The following CELF2 variants were observed in gnomAD, a reference collection of about 807,000 sequenced individuals.
CELF2 encodes CUG triplet repeat RNA-binding protein 2.
In CELF2, 8 loss-of-function variants were observed where a neutral mutation model predicts 62.6. The ratio of observed to expected loss-of-function variants is 0.13; its 90% CI spans 0.07 to 0.23. CELF2 has a LOEUF of 0.23. CELF2 is among the 10% of genes least tolerant of loss of function. CELF2 has a pLI of 1.00. For missense variants in CELF2, 333 were observed against 671.0 expected (o/e 0.50, Z 5.56); for synonymous variants, 258 against 250.0 (o/e 1.03, Z -0.30).
At chr10:11,241,453 G>A (rs896796975) in intron 3 of CELF2, among the ~76,000 whole-genome samples, 2 of 152,200 alleles carry the variant, frequency 1.3e-5, no homozygotes, top group Non-Finnish European at 2.9e-5. Flanking sequence ...ACCCACCTTG[G>A]CCTCCCAAAG....
chr10:10,669,759 T>A, the CELF2 span, among the ~76,000 whole-genome samples: 1 of 152,206 alleles, frequency 6.6e-6, no homozygotes, highest in Non-Finnish European at 1.5e-5. Flanking sequence ...TTCGTTTATA[T>A]TCACAAGATA....
chr10:10,804,536 A>G (rs1453567172), intron 1 of CELF2, among the ~76,000 whole-genome samples: 1 of 152,264 alleles, frequency 6.6e-6, no homozygotes, highest in Non-Finnish European at 1.5e-5. Flanking sequence ...GTGATATTTC[A>G]AAGGTCAGAG....
chr10:10,976,422 CTG>C (rs892178815), intron 2 of CELF2, among the ~76,000 whole-genome samples: 3 of 152,148 alleles, frequency 2.0e-5, no homozygotes, highest in African/African-American at 7.2e-5. Flanking sequence ...CGTTATCTAT[CTG>C]TGTATATCTT....
intron 2 of CELF2, among the ~76,000 whole-genome samples, chr10:10,977,407 A>G (rs921716708): frequency 1.3e-5 from 2 of 152,188 alleles, no homozygotes; most frequent in Non-Finnish European, 2.9e-5. Context: ...CAGCAGACAC[A>G]TTGTTGACAT....
chr10:11,126,741 C>T (rs1031113579), intron 1 of CELF2, among the ~76,000 whole-genome samples: 25 of 152,152 alleles, frequency 1.6e-4, no homozygotes, highest in Non-Finnish European at 3.2e-4. Flanking sequence ...ATAATATATA[C>T]ATTTCTGGTA....
chr10:10,926,460 T>C (rs1320470566), intron 2 of CELF2, among the ~76,000 whole-genome samples: 2 of 152,226 alleles, frequency 1.3e-5, no homozygotes, highest in Non-Finnish European at 2.9e-5. Context: ...CCTCCAGAAC[T>C]CTGAGAAATG....
chr10:10,736,033 C>A, the CELF2 span, among the ~76,000 whole-genome samples: 15 of 152,198 alleles, frequency 9.9e-5, no homozygotes, highest in Non-Finnish European at 1.9e-4. Context: ...GGATTTAATT[C>A]TTCCCATCTT....
intron 1 of CELF2, among the ~76,000 whole-genome samples, chr10:11,095,151 G>A (rs149786663): frequency 2.6e-5 from 4 of 152,216 alleles, no homozygotes; most frequent in Middle Eastern, 3.4e-3. Flanking sequence ...CGTGGCCCCC[G>A]TGATACTTTG....
chr10:11,045,762 G>A (rs1048556580), intron 1 of CELF2, among the ~76,000 whole-genome samples: 6 of 152,120 alleles, frequency 3.9e-5, no homozygotes, highest in African/African-American at 9.7e-5. Context: ...AAAAGGGAAC[G>A]GGGCCTACTG....
chr10:10,996,362 G>A lies in CELF2; in HGVS notation c.89+76363G>A, dbSNP rs544699790. On this transcript the variant is annotated intron_variant, in intron 2 of 13. Transcript: ENST00000636488. The stretch of plus-strand genomic sequence containing the variant: ...CTTATGATTCTATCTCAGAAATGAG[G>A]GCAAGGAGCTGAAGGTTTGGTTAGC... Among the ~76,000 whole-genome samples the A allele has an allele frequency of 9.2e-5, 14 of 152,310 alleles. 1 individual carries two copies. In the South Asian group the frequency reaches 2.9e-3, roughly 32 times the overall value.
intron 1 of CELF2, among the ~76,000 whole-genome samples, chr10:11,162,073 CT>C (rs1241365690): frequency 1.3e-5 from 2 of 152,270 alleles, no homozygotes; most frequent in East Asian, 3.9e-4. Flanking sequence ...TGCGGCAGTA[CT>C]GTGGGGATTC....
rs556884598 is a variant in CELF2, at chr10:10,880,883, T to C, written c.54-39081T>C. 1.2e-4 allele frequency among the ~76,000 whole-genome samples: 18 copies of C among 152,316 alleles called. No homozygotes were observed. In the South Asian group the frequency reaches 3.3e-3, roughly 28 times the overall value. On this transcript the variant is annotated intron_variant, in intron 1 of 13. Transcript: ENST00000636488. Reference sequence around the variant, plus strand: ...TTATTTTTTCCAGTGATGAGGAAGGTATATTTCTGGAAGGTAGAAAAGTCT... The same window carrying C: ...TTATTTTTTCCAGTGATGAGGAAGGCATATTTCTGGAAGGTAGAAAAGTCT...
At chr10:10,583,966 A>G in the CELF2 span, among the ~76,000 whole-genome samples, 1 of 152,166 alleles carries the variant, frequency 6.6e-6, no homozygotes, top group African/African-American at 2.4e-5. Flanking sequence ...CCAAGCGGCA[A>G]ATGAGTGGAC....
intron 1 of CELF2, among the ~76,000 whole-genome samples, chr10:11,134,549 C>T (rs2060123239): frequency 6.6e-6 from 1 of 152,186 alleles, no homozygotes; most frequent in Non-Finnish European, 1.5e-5. Flanking sequence ...CTCGGCGGTG[C>T]CCATAGGTGA....
the CELF2 span, among the ~76,000 whole-genome samples, chr10:10,655,252 C>A: frequency 7.0e-6 from 1 of 141,874 alleles, no homozygotes; most frequent in Non-Finnish European, 1.6e-5. Flanking sequence ...ATTCCATGCT[C>A]ATGGGGGTAG....
chr10:11,037,089 C>T (rs1485530618), intron 1 of CELF2, among the ~76,000 whole-genome samples: 3 of 151,926 alleles, frequency 2.0e-5, no homozygotes. Flanking sequence ...GAAAGATGTA[C>T]CTGAGACTGA....
At chr10:10,865,072 A>G (rs1564737134) in intron 1 of CELF2, among the ~76,000 whole-genome samples, 1 of 152,214 alleles carries the variant, frequency 6.6e-6, no homozygotes, top group Non-Finnish European at 1.5e-5. Flanking sequence ...TGCCCTTGGA[A>G]GGAAAAATGA....
At chr10:10,710,172 C>T in the CELF2 span, among the ~76,000 whole-genome samples, 1 of 152,116 alleles carries the variant, frequency 6.6e-6, no homozygotes, top group Non-Finnish European at 1.5e-5. Flanking sequence ...CTTTAAATAC[C>T]AAACAAAACC....
intron 1 of CELF2, among the ~76,000 whole-genome samples, chr10:10,906,164 G>T (rs1320367197): frequency 1.5e-5 from 2 of 134,158 alleles, no homozygotes; most frequent in African/African-American, 5.7e-5. Flanking sequence ...TGCATAGGCT[G>T]TCTAACTATT....
Sources: allele counts gnomAD v4.1 joint callset (sites outside exome capture counted in the v4.1 genomes callset), GRCh38; gene constraint gnomAD v4.1.1; transcripts MANE v1.5; gene names NCBI Gene and HGNC (gene_info 2026-07-23, HGNC 2026-07-21).